OSBPL10: variants seen among roughly 807,000 people sequenced by gnomAD.
The protein encoded by OSBPL10 is oxysterol binding protein like 10.
A neutral mutation model predicts 81.7 loss-of-function variants in OSBPL10; 49 were observed. The ratio of observed to expected loss-of-function variants is 0.60; its 90% confidence interval spans 0.48 to 0.76. OSBPL10 has a LOEUF of 0.76. Ranked by LOEUF, OSBPL10 falls within the 30% of genes least tolerant of loss-of-function variation. OSBPL10 has a pLI of 0.00. For missense variants in OSBPL10, 923 were observed against 987.8 expected (o/e 0.93, Z 0.88); for synonymous variants, 419 against 383.6 (o/e 1.09, Z -1.08).
At chr3:31,981,757 C>G (rs1260603187), upstream of OSBPL10, 1 of 152,404 alleles carries the variant, frequency 6.6e-6, no homozygotes, top group Non-Finnish European at 1.5e-5. This position sits in a 1 kb window ranked among gnomAD's most constrained non-coding sequence, Gnocchi z 4.5. Flanking sequence ...CACGCACACT[C>G]CCTCTCTCGG....
intron 1 of OSBPL10, among the ~76,000 whole-genome samples, chr3:32,049,146 C>T (rs1040025847): frequency 3.3e-5 from 5 of 152,190 alleles, no homozygotes; most frequent in South Asian, 2.1e-4. Context: ...TATAAGTATA[C>T]TCAGTTGAGC....
chr3:31,935,684 C>T lies in OSBPL10; in HGVS notation c.281+45215G>A, dbSNP rs373997674. On this transcript the variant is annotated intron_variant, in intron 1 of 11. Transcript: ENST00000396556. ...GATTACAGGTGACCCCCACCACGCC[C>T]GGCTAATTTTTGTATTTTTAGTAGA... Among the ~76,000 whole-genome samples the T allele has an allele frequency of 7.2e-5, 11 of 151,976 alleles. No individual in the cohort carries two copies. The East Asian group carries it at 1.8e-3, about 24-fold the overall frequency.
intron 7 of OSBPL10, among the ~76,000 whole-genome samples, chr3:31,690,643 C>A (rs1695507944): frequency 6.6e-6 from 1 of 152,200 alleles, no homozygotes; most frequent in Admixed American, 6.5e-5. Flanking sequence ...GTCCAACCTA[C>A]TAGGTATGTA....
chr3:31,899,449 T>TA (rs1408724822), intron 1 of OSBPL10, among the ~76,000 whole-genome samples: 4 of 152,316 alleles, frequency 2.6e-5, no homozygotes, highest in Admixed American at 2.6e-4. Context: ...AATCAGTGGT[T>TA]ACAATGGCAC....
intron 1 of OSBPL10, among the ~76,000 whole-genome samples, chr3:31,972,474 T>C (rs1010833248): frequency 2.0e-5 from 3 of 148,272 alleles, no homozygotes; most frequent in Non-Finnish European, 4.4e-5. Context: ...GTGGTTTTCA[T>C]TGCATTGTTA....
chr3:31,918,508 G>T (rs1419892046), intron 1 of OSBPL10, among the ~76,000 whole-genome samples: 1 of 126,514 alleles, frequency 7.9e-6, no homozygotes, highest in Non-Finnish European at 2.0e-5. Context: ...AAAGAGTTTG[G>T]AATGGAAAAT....
At chr3:31,723,573 C>T (rs1268304065) in intron 6 of OSBPL10, among the ~76,000 whole-genome samples, 2 of 151,426 alleles carry the variant, frequency 1.3e-5, no homozygotes, top group Non-Finnish European at 2.9e-5. Flanking sequence ...CACACACACC[C>T]CTTTCCCTCT....
chr3:31,829,314 A>G (rs34001443), intron 4 of OSBPL10, among the ~76,000 whole-genome samples: 9,051 of 152,318 alleles, frequency 0.059, 697 homozygotes, highest in East Asian at 0.44. Flanking sequence ...ACAGCTGCAG[A>G]GGATGACAGG....
intron 4 of OSBPL10, among the ~76,000 whole-genome samples, chr3:31,815,629 G>T (rs1005896265): frequency 6.6e-6 from 1 of 152,162 alleles, no homozygotes; most frequent in African/African-American, 2.4e-5. Context: ...CCCTGCCTCT[G>T]CTGGAAGCTG....
At chr3:31,875,453 T>C (rs1010025186) in intron 3 of OSBPL10, among the ~76,000 whole-genome samples, 1 of 151,962 alleles carries the variant, frequency 6.6e-6, no homozygotes, top group South Asian at 2.1e-4. Flanking sequence ...GAATGAGGGC[T>C]GTACCTACAG....
chr3:31,847,399 G>A (rs1445456562), intron 3 of OSBPL10, among the ~76,000 whole-genome samples: 1 of 152,066 alleles, frequency 6.6e-6, no homozygotes, highest in African/African-American at 2.4e-5. Context: ...ATGTTGGTCA[G>A]GCTGGTCTCA....
At chr3:31,736,823 C>A (rs1018317887) in intron 5 of OSBPL10, among the ~76,000 whole-genome samples, 3 of 152,124 alleles carry the variant, frequency 2.0e-5, no homozygotes, top group African/African-American at 7.2e-5. Context: ...TCACTTGAGC[C>A]CAGGAGTTTG....
At chr3:31,878,085 C>A (rs56740102) in intron 2 of OSBPL10, among the ~76,000 whole-genome samples, 72,818 of 151,902 alleles carry the variant, frequency 0.48, 17,989 homozygotes, top group East Asian at 0.67. Context: ...TTTATAGTTA[C>A]GCTTTAGCTA....
intron 1 of OSBPL10, among the ~76,000 whole-genome samples, chr3:32,047,648 A>G (rs1339262076): frequency 6.0e-5 from 9 of 150,788 alleles, no homozygotes; most frequent in African/African-American, 1.9e-4. Flanking sequence ...CATCTTTACT[A>G]CAACCTGTTT....
chr3:31,697,242 G>A (rs146508929), intron 7 of OSBPL10, among the ~76,000 whole-genome samples: 61 of 152,280 alleles, frequency 4.0e-4, no homozygotes, highest in Non-Finnish European at 6.5e-4. Context: ...AAGAACACAC[G>A]GAGAGGGAAA....
chr3:31,985,251 AAAAATAC>A (rs766542484), upstream of OSBPL10, among the ~76,000 whole-genome samples: 1 of 152,214 alleles, frequency 6.6e-6, no homozygotes, highest in Non-Finnish European at 1.5e-5. Flanking sequence ...AAAATGTTTT[AAAAATAC>A]AAAATATTGG....
chr3:31,743,420 G>A (rs371236163), intron 5 of OSBPL10, among the ~76,000 whole-genome samples: 1 of 152,310 alleles, frequency 6.6e-6, no homozygotes, highest in East Asian at 1.9e-4. Context: ...ATATCTTGGA[G>A]ATAATAACAT....
At chr3:31,712,318 AC>A (rs775428906) in intron 6 of OSBPL10, among the ~76,000 whole-genome samples, 19 of 152,138 alleles carry the variant, frequency 1.2e-4, no homozygotes, top group Non-Finnish European at 2.6e-4. Flanking sequence ...AGGATAGCAG[AC>A]CCCTGAGCTG....
At chr3:31,989,592 C>T (rs374051878) in intron 2 of OSBPL10, 238 of 1,614,116 alleles carry the variant, frequency 1.5e-4, no homozygotes, top group Middle Eastern at 1.6e-4. Flanking sequence ...TATTTCAGAC[C>T]AAAGGGAAAG....
Sources: allele counts gnomAD v4.1 joint callset (sites outside exome capture counted in the v4.1 genomes callset), GRCh38; gene constraint gnomAD v4.1.1; non-coding constraint Gnocchi (gnomAD v3.1); transcripts MANE v1.5; gene names NCBI Gene and HGNC (gene_info 2026-07-23, HGNC 2026-07-21).